LEKR1: variants seen among roughly 807,000 people sequenced by gnomAD.
The protein encoded by LEKR1 is leucine, glutamate and lysine rich 1, also known as protein LEKR1.
LEKR1 carries 59 observed loss-of-function variants against 72.4 expected under a neutral mutation model. The ratio of observed to expected loss-of-function variants is 0.82; its 90% confidence interval spans 0.66 to 1.01. The LOEUF is 1.01. Among genes scored for constraint, LEKR1 ranks in the 50% least tolerant of loss-of-function variants. The pLI, the probability that LEKR1 is intolerant of heterozygous loss-of-function variation, is 0.00. For missense variants in LEKR1, 728 were observed against 759.2 expected (o/e 0.96, Z 0.48); for synonymous variants, 257 against 263.2 (o/e 0.98, Z 0.23).
At chr3:156,843,868 T>G (rs1405944720) in intron 2 of LEKR1, among the ~76,000 whole-genome samples, 1 of 151,902 alleles carries the variant, frequency 6.6e-6, no homozygotes, top group Non-Finnish European at 1.5e-5. Context: ...TGATGTGTTT[T>G]TAAGCAATTG....
intron 6 of LEKR1, among the ~76,000 whole-genome samples, chr3:156,965,964 TATG>T (rs1728531921): frequency 6.6e-6 from 1 of 152,194 alleles, no homozygotes; most frequent in South Asian, 2.1e-4. Context: ...CAAACTGTGA[TATG>T]ATAATATATA....
intron 5 of LEKR1, among the ~76,000 whole-genome samples, chr3:156,935,297 G>C (rs900292993): frequency 1.3e-5 from 2 of 152,180 alleles, no homozygotes; most frequent in Non-Finnish European, 2.9e-5. Context: ...CAAGAACTTG[G>C]TGAACACAAC....
At chr3:156,885,043 G>A (rs1018795422) in intron 3 of LEKR1, among the ~76,000 whole-genome samples, 1 of 152,066 alleles carries the variant, frequency 6.6e-6, no homozygotes, top group Admixed American at 6.6e-5. Flanking sequence ...GAGCTCTGAA[G>A]TTCTTTCTTC....
chr3:156,851,571 A>G (rs1393046868), intron 2 of LEKR1, among the ~76,000 whole-genome samples: 2 of 152,196 alleles, frequency 1.3e-5, no homozygotes, highest in African/African-American at 4.8e-5. Flanking sequence ...AGTGGCAAGT[A>G]GTTGATATAA....
chr3:157,009,225 T>G (rs1318559527), intron 9 of LEKR1, among the ~76,000 whole-genome samples: 1 of 152,138 alleles, frequency 6.6e-6, no homozygotes, highest in African/African-American at 2.4e-5. Context: ...TTTTAATAAT[T>G]TATTTAACTC....
chr3:156,959,458 T>G (rs1479742867), intron 6 of LEKR1, among the ~76,000 whole-genome samples: 3 of 152,176 alleles, frequency 2.0e-5, no homozygotes, highest in Non-Finnish European at 2.9e-5. Context: ...TAACTTTAAG[T>G]GCTAAGTATC....
intron 3 of LEKR1, among the ~76,000 whole-genome samples, chr3:156,870,205 C>T (rs1450638685): frequency 6.6e-6 from 1 of 151,718 alleles, no homozygotes; most frequent in Non-Finnish European, 1.5e-5. Flanking sequence ...TGGTTCCACG[C>T]AAATTTTAAG....
At chr3:156,988,399 C>T in intron 7 of LEKR1, 1 of 223,900 alleles carries the variant, frequency 4.5e-6, no homozygotes, top group Non-Finnish European at 9.5e-6. Flanking sequence ...CGAGGGGATC[C>T]CAGTCATCGT....
At chr3:156,999,486 T>C (rs2108014377) in intron 9 of LEKR1, among the ~76,000 whole-genome samples, 1 of 152,266 alleles carries the variant, frequency 6.6e-6, no homozygotes, top group Non-Finnish European at 1.5e-5. Flanking sequence ...AGGAGCCCTC[T>C]AAGTGCTTCT....
intron 7 of LEKR1, among the ~76,000 whole-genome samples, chr3:156,989,177 C>T (rs547919515): frequency 1.1e-4 from 17 of 152,074 alleles, no homozygotes; most frequent in South Asian, 2.1e-4. Flanking sequence ...ATATCCTGGA[C>T]GTTTTTCCAT....
intron 3 of LEKR1, among the ~76,000 whole-genome samples, chr3:156,916,142 A>G (rs116517133): frequency 0.017 from 2,536 of 152,128 alleles, 70 homozygotes; most frequent in African/African-American, 0.057. Context: ...TGCCAGTACT[A>G]TGCTGTTTTG....
At chr3:156,865,206 T>TA (rs1439316290) in intron 3 of LEKR1, among the ~76,000 whole-genome samples, 3 of 151,998 alleles carry the variant, frequency 2.0e-5, no homozygotes, top group African/African-American at 7.2e-5. Flanking sequence ...AGCATTAAGG[T>TA]AGTGTTGAGG....
chr3:156,948,592 CA>C (rs1302624716), intron 6 of LEKR1, among the ~76,000 whole-genome samples: 2 of 151,386 alleles, frequency 1.3e-5, no homozygotes, highest in Non-Finnish European at 3.0e-5. Context: ...AGGTTGATTC[CA>C]TGTCTTTGCT....
chr3:157,002,848 A>G (rs1332059117), intron 9 of LEKR1, among the ~76,000 whole-genome samples: 1 of 152,180 alleles, frequency 6.6e-6, no homozygotes, highest in Non-Finnish European at 1.5e-5. Flanking sequence ...ACTATATTTT[A>G]GCTGCTATAA....
chr3:156,908,428 A>C (rs1722746566), intron 3 of LEKR1, among the ~76,000 whole-genome samples: 1 of 152,100 alleles, frequency 6.6e-6, no homozygotes, highest in Non-Finnish European at 1.5e-5. Context: ...GTCTTTTATT[A>C]CTCAATTGTT....
At chr3:156,829,590 A>T (rs1335426926) in intron 2 of LEKR1, among the ~76,000 whole-genome samples, 1 of 152,202 alleles carries the variant, frequency 6.6e-6, no homozygotes, top group Non-Finnish European at 1.5e-5. Flanking sequence ...ACATATATCT[A>T]ATTCCAGTAC....
At chr3:156,833,682 G>GA (rs1407329521) in intron 2 of LEKR1, among the ~76,000 whole-genome samples, 3 of 152,018 alleles carry the variant, frequency 2.0e-5, no homozygotes, top group African/African-American at 4.8e-5. Flanking sequence ...ACCTAATATT[G>GA]AAAAAATTAA....
intron 3 of LEKR1, among the ~76,000 whole-genome samples, chr3:156,861,297 G>A (rs1011206450): frequency 1.3e-5 from 2 of 152,058 alleles, no homozygotes; most frequent in Admixed American, 6.6e-5. Flanking sequence ...CCAGGCTTCT[G>A]CTTTTTGTAC....
At chr3:156,886,417 C>T (rs150152571) in intron 3 of LEKR1, among the ~76,000 whole-genome samples, 37 of 152,258 alleles carry the variant, frequency 2.4e-4, no homozygotes, top group Non-Finnish European at 4.1e-4. Flanking sequence ...CCTGGGCTCT[C>T]CTGCACTTGC....
Sources: allele counts gnomAD v4.1 joint callset (sites outside exome capture counted in the v4.1 genomes callset), GRCh38; gene constraint gnomAD v4.1.1; transcripts MANE v1.5; gene names NCBI Gene and HGNC (gene_info 2026-07-23, HGNC 2026-07-21).